CEBPZ: variants seen among roughly 807,000 people sequenced by gnomAD.
CEBPZ encodes the protein CCAAT/enhancer-binding protein zeta.
In CEBPZ, 78 loss-of-function variants were observed where a neutral mutation model predicts 104.5. The observed-to-expected ratio is 0.75, with a 90% CI of 0.62 to 0.90. The LOEUF is 0.90. Ranked by LOEUF, CEBPZ falls within the 40% of genes least tolerant of loss-of-function variation. The pLI, the probability that CEBPZ is intolerant of heterozygous loss-of-function variation, is 0.00. For synonymous variants in CEBPZ, 470 were observed against 427.0 expected (o/e 1.10, Z -1.24); for missense variants, 1,439 against 1,233.5 (o/e 1.17, Z -2.50).
Position 37,201,712 on chromosome 2 carries a change from C to G in CEBPZ, c.*52G>C, listed in dbSNP as rs1425576505. On this transcript the variant is annotated 3_prime_UTR_variant, in exon 16 of 16. Transcript: ENST00000234170. ...AGCTAGATCAAAAAACATGGTTGAA[C>G]AGCAAAAATTAGATGTAAGTAGAAT... 2.7e-6 allele frequency: 3 copies of G among 1,104,048 alleles called. No individual in the cohort carries two copies. Among genetic ancestry groups the G allele is most frequent in the Non-Finnish European group, 4.1e-6 (3 of 737,670 alleles). 68.4% of individuals were successfully genotyped at this position (1,104,048 alleles called of 1,614,324 possible).
rs1159883893 is a variant in CEBPZ at position 37,231,508 on chromosome 2, C to T, written c.60G>A (p.Glu20=). 1.9e-6 allele frequency: 3 copies of T among 1,614,242 alleles called. No individual in the cohort carries two copies. Residue 20 remains glutamate, a synonymous_variant, in exon 1 of 16, where the codon GAG becomes GAA. Coordinates refer to ENST00000234170, the MANE Select transcript of CEBPZ (RefSeq NM_005760.3). ...CCTCCTCGTCCGGATCTTCTACTGC[C>T]TCCTCGGGGCGCCAAGGCCGCTTGG... is the stretch of plus-strand genomic sequence containing the variant. ...FHAKRPWRPE[E]AVEDPDEEDE...
chr2:37,230,659 C>T (rs1457974351), intron 1 of CEBPZ, among the ~76,000 whole-genome samples: 1 of 152,172 alleles, frequency 6.6e-6, no homozygotes, highest in Non-Finnish European at 1.5e-5. Context: ...CAAAAGCCTG[C>T]CCTCTGACCC....
intron 2 of CEBPZ, among the ~76,000 whole-genome samples, chr2:37,224,635 A>G (rs1240646062): frequency 6.6e-6 from 1 of 152,220 alleles, no homozygotes; most frequent in East Asian, 1.9e-4. Context: ...CATAAATTAC[A>G]TCTCACATCA....
chr2:37,202,934 A>C lies in CEBPZ; in HGVS notation c.2943+16T>G, dbSNP rs774746792. ...TGTAGAATAGCTAGCTTGTTAAAAC[A>C]GTACATTAGCCTTACCTCTTCAGCA... On this transcript the variant is annotated intron_variant, in intron 14 of 15. Transcript: ENST00000234170. The C allele has an allele frequency of 8.1e-6, 13 of 1,595,714 alleles. No homozygotes were observed. The East Asian group carries it at 9.0e-5, about 11-fold the overall frequency.
At position 37,211,067 on chromosome 2, in the gene CEBPZ, G is replaced by C. The variant is rs1315878925; in HGVS notation, c.2816C>G (p.Ser939Cys). ...SESVPELEVH[S>C]KVSTKKSKRK... is the part of the protein sequence containing the mutation. The stretch of plus-strand genomic sequence containing the variant: ...CTTGCTTTTCTTAGTACTGACTTTG[G>C]AGTGGACTTCAAGTTCTGTTACACG... The change falls in exon 13 of 16, where the codon TCC (serine) becomes TGC (cysteine). Residue 939 changes from serine to cysteine, a missense_variant. Coordinates refer to ENST00000234170, the MANE Select transcript of CEBPZ (RefSeq NM_005760.3). 6.2e-7 allele frequency: 1 copy of C among 1,608,438 alleles called. No homozygotes were observed. Among genetic ancestry groups the C allele is most frequent in the Non-Finnish European group, 8.5e-7 (1 of 1,178,132 alleles).
At position 37,202,860 on chromosome 2, in the gene CEBPZ, G is replaced by A; in HGVS notation, c.2949C>T (p.Gly983=). Residue 983 remains glycine (G), a synonymous_variant, in exon 15 of 16, where the codon GGC becomes GGT. Coordinates refer to ENST00000234170, the MANE Select transcript of CEBPZ (RefSeq NM_005760.3). ...SSLFVSAEEF[G]HLLDENMGSK... ...ATCCCATATTTTCATCCAATAGATG[G>A]CCAAACTTTTAAACAAAAACGATAA... 2 of 1,599,878 alleles carry A rather than the reference G, an allele frequency of 1.3e-6. No individual in the cohort carries two copies. Among genetic ancestry groups the A allele is most frequent in the Non-Finnish European group, 1.7e-6 (2 of 1,173,456 alleles).
Position 37,223,286 on chromosome 2 carries a change from T to C in CEBPZ, c.1765A>G (p.Arg589Gly). The change falls in exon 3 of 16, where the codon AGG becomes GGG. Residue 589 changes from arginine (R) to glycine (G), a missense_variant. Physicochemically the swap from Arg to Gly is moderately radical, Grantham distance 125 (BLOSUM62 -2). Coordinates refer to ENST00000234170, the MANE Select transcript of CEBPZ (RefSeq NM_005760.3). ...VLRRVKAFVK[R>G]LLQVTCQQMP... ...TGTTGACAAGTAACTTGAAGTAACCTCTTCACAAAAGCCTTCACCCGGCGC... is the reference window on the plus strand; with the variant it reads ...TGTTGACAAGTAACTTGAAGTAACCCCTTCACAAAAGCCTTCACCCGGCGC... 1 of 1,614,130 alleles carries C rather than the reference T, an allele frequency of 6.2e-7. No individual in the cohort carries two copies. Among genetic ancestry groups the C allele is most frequent in the Non-Finnish European group, 8.5e-7 (1 of 1,180,012 alleles).
chr2:37,228,349 A>G lies in CEBPZ; in HGVS notation c.844T>C (p.Cys282Arg), dbSNP rs201004838. 5.5e-5 allele frequency: 89 copies of G among 1,614,236 alleles called. No individual in the cohort carries two copies. In the Middle Eastern group the frequency reaches 9.9e-4, roughly 18 times the overall value. The change falls in exon 2 of 16, where the codon TGC (cysteine) becomes CGC (arginine). Residue 282 changes from cysteine (C) to arginine (R), a missense_variant. Physicochemically the swap from Cys to Arg is radical, Grantham distance 180. Transcript: ENST00000234170. ...LVKKKGSKQQ[C>R]LMALDTFKEL... ...TTGAAAGTATCCAAGGCCATAAGGC[A>G]CTGCTGTTTGCTGCCCTTCTTTTTA...
rs561615458 is a variant in CEBPZ, at chr2:37,223,046, T to C, written c.1881+124A>G. ...GGTACTAAAATCTAGGTTTGTCCTA[T>C]TCCAGAACTCACACTCATATGCTCC... is the stretch of plus-strand genomic sequence containing the variant. On this transcript the variant is annotated intron_variant, in intron 3 of 15. Transcript: ENST00000234170. The C allele has an allele frequency of 5.5e-5, 42 of 761,086 alleles. 1 individual carries two copies. The South Asian group carries it at 7.2e-4, about 13-fold the overall frequency. 47.1% of individuals were successfully genotyped at this position (761,086 alleles called of 1,614,324 possible). A position where few individuals can be genotyped will look rare whatever the true frequency, so the allele number is the denominator to read the frequency against.
In CEBPZ at chr2:37,210,310, A is replaced by G. The variant is rs575735143; in HGVS notation, c.2884+689T>C. 5.9e-5 allele frequency: 9 copies of G among 152,344 alleles called. No individual in the cohort carries two copies. The East Asian group carries it at 1.5e-3, about 26-fold the overall frequency. 9.4% of individuals were successfully genotyped at this position (152,344 alleles called of 1,614,324 possible). On this transcript the variant is annotated intron_variant, in intron 13 of 15. Coordinates refer to ENST00000234170, the MANE Select transcript of CEBPZ (RefSeq NM_005760.3). ...AGAGGAAAATAAGTCATTATATAAA[A>G]AAGACAAACACACAGATTTATAGTA... is the stretch of plus-strand genomic sequence containing the variant.
intron 4 of CEBPZ, among the ~76,000 whole-genome samples, chr2:37,220,799 T>C: frequency 6.6e-6 from 1 of 151,980 alleles, no homozygotes; most frequent in South Asian, 2.1e-4. Flanking sequence ...GAGACCAGCC[T>C]GGGCAAAATG....
chr2:37,206,064 T>G (rs1326179817), intron 13 of CEBPZ, among the ~76,000 whole-genome samples: 1 of 152,184 alleles, frequency 6.6e-6, no homozygotes, highest in Non-Finnish European at 1.5e-5. Context: ...AAGGAAGATC[T>G]GCATTCAAAT....
chr2:37,209,904 G>A (rs1677664813), intron 13 of CEBPZ: 1 of 152,110 alleles, frequency 6.6e-6, no homozygotes, highest in Non-Finnish European at 1.5e-5. Flanking sequence ...CTAATGTCCA[G>A]AATCTATAAG....
intron 4 of CEBPZ, among the ~76,000 whole-genome samples, chr2:37,221,488 C>G (rs1664770223): frequency 6.6e-6 from 1 of 152,142 alleles, no homozygotes; most frequent in African/African-American, 2.4e-5. Flanking sequence ...AAATATTTGT[C>G]ATGAAAGTAT....
chr2:37,216,909 GT>G, intron 6 of CEBPZ, 74 bp downstream of exon 6: 1 of 1,209,114 alleles, frequency 8.3e-7, no homozygotes, highest in East Asian at 2.3e-5. Context: ...AGAAAACACT[GT>G]ATGACCAATT....
In CEBPZ at chr2:37,213,895, G is replaced by A. The variant is rs773740419; in HGVS notation, c.2514C>T (p.Asp838=). ...KRDADEESIE[D]VDDEEFEELI... ...GCTCTTCAAATTCTTCATCATCCACGTCTTCTATACTTTCTTCATCTGCAT... is the reference window on the plus strand; with the variant it reads ...GCTCTTCAAATTCTTCATCATCCACATCTTCTATACTTTCTTCATCTGCAT... Residue 838 remains aspartate (D), a synonymous_variant, in exon 10 of 16, where the codon GAC becomes GAT. Transcript: ENST00000234170. 25 of 1,605,954 alleles carry A rather than the reference G, an allele frequency of 1.6e-5. 1 individual carries two copies. In the Middle Eastern group the frequency reaches 9.9e-4, roughly 64 times the overall value.
intron 2 of CEBPZ, among the ~76,000 whole-genome samples, chr2:37,224,955 T>C (rs1664847989): frequency 6.6e-6 from 1 of 152,156 alleles, no homozygotes; most frequent in African/African-American, 2.4e-5. Flanking sequence ...AGAAAAATGT[T>C]TTCTAATAGA....
Position 37,227,933 on chromosome 2 carries a change from C to T in CEBPZ, c.1260G>A (p.Val420=). Residue 420 remains valine, a synonymous_variant, in exon 2 of 16, where the codon GTG becomes GTA. Transcript: ENST00000234170. ...AGAGTAGCCTTTCTACTTCACCAGA[C>T]ACAACTCCTTTCATATTGGGATGTT... ...LCKHPNMKGV[V]SGEVERLLFR... 4 of 1,614,186 alleles carry T rather than the reference C, an allele frequency of 2.5e-6. No individual in the cohort carries two copies. Among genetic ancestry groups the T allele is most frequent in the Non-Finnish European group, 3.4e-6 (4 of 1,180,034 alleles).
rs549120757 is a variant in CEBPZ, at chr2:37,211,533, CT to C, written c.2800+309del. On this transcript the variant is annotated intron_variant, in intron 12 of 15. Transcript: ENST00000234170. ...CTGGGCTATGATGAATACTGATTAA[CT>C]TTTATAAACTGCTAATTACTATCAA... The C allele has an allele frequency of 1.9e-4, 54 of 286,872 alleles. 1 individual carries two copies. The highest frequency in any genetic ancestry group is 1.1e-3 in the Middle Eastern group (1 of 952). The allele number at this position is 286,872 out of a possible 1,614,324, so 17.8% of individuals were successfully genotyped here.
Sources: gnomAD v4.1 joint callset for allele counts (sites outside exome capture counted in the v4.1 genomes callset) on GRCh38, gnomAD v4.1.1 for gene constraint, MANE v1.5 for transcripts, NCBI Gene and HGNC (gene_info 2026-07-23, HGNC 2026-07-21) for gene names.